BRINP3: variants seen among roughly 807,000 people sequenced by gnomAD.
BRINP3 encodes BMP/retinoic acid inducible neural specific 3.
A neutral mutation model predicts 71.0 loss-of-function variants in BRINP3; 19 were observed. The ratio of observed to expected loss-of-function variants is 0.27; its 90% CI spans 0.19 to 0.39. BRINP3 has a LOEUF of 0.39. BRINP3 is among the 10% of genes least tolerant of loss of function. The pLI, the probability that BRINP3 is intolerant of heterozygous loss-of-function variation, is 1.00. For missense variants in BRINP3, 959 were observed against 940.8 expected (o/e 1.02, Z -0.25); for synonymous variants, 380 against 337.7 (o/e 1.13, Z -1.37).
chr1:190,311,768 G>A (rs1385202180), intron 2 of BRINP3, among the ~76,000 whole-genome samples: 2 of 150,650 alleles, frequency 1.3e-5, no homozygotes, highest in East Asian at 3.9e-4. Flanking sequence ...ACTAAAGATA[G>A]AGAAGAAGAA....
chr1:190,395,110 C>T (rs1671487083), intron 2 of BRINP3, among the ~76,000 whole-genome samples: 2 of 151,672 alleles, frequency 1.3e-5, no homozygotes, highest in African/African-American at 4.8e-5. Flanking sequence ...CTATTTATTT[C>T]TCATATCATT....
At chr1:190,160,046 C>T (rs557171173) in intron 7 of BRINP3, among the ~76,000 whole-genome samples, 23 of 151,924 alleles carry the variant, frequency 1.5e-4, no homozygotes, top group Non-Finnish European at 2.8e-4. Context: ...TTTTTGTTTT[C>T]GAACTGACCT....
intron 6 of BRINP3, among the ~76,000 whole-genome samples, chr1:190,171,672 T>C (rs1652020775): frequency 6.6e-6 from 1 of 152,192 alleles, no homozygotes; most frequent in Admixed American, 6.5e-5. Flanking sequence ...ACATATTATT[T>C]AACTATTAGG....
At chr1:190,171,758 G>A (rs1652028255) in intron 6 of BRINP3, among the ~76,000 whole-genome samples, 1 of 152,038 alleles carries the variant, frequency 6.6e-6, no homozygotes, top group Non-Finnish European at 1.5e-5. Context: ...GGAAGAATGG[G>A]AAACCTGTCA....
At chr1:190,448,845 T>A (rs564892281) in intron 2 of BRINP3, among the ~76,000 whole-genome samples, 3 of 151,952 alleles carry the variant, frequency 2.0e-5, no homozygotes, top group Non-Finnish European at 4.4e-5. Flanking sequence ...ACTTTTTATA[T>A]GTTTGTCTTT....
chr1:190,158,492 T>C (rs1183549282), intron 7 of BRINP3, among the ~76,000 whole-genome samples: 1 of 152,016 alleles, frequency 6.6e-6, no homozygotes, highest in Non-Finnish European at 1.5e-5. Flanking sequence ...GGCCAATTAT[T>C]GAAAACCACT....
intron 2 of BRINP3, among the ~76,000 whole-genome samples, chr1:190,416,608 A>C (rs912512543): frequency 2.0e-4 from 30 of 152,314 alleles, no homozygotes; most frequent in Admixed American, 7.2e-4. Flanking sequence ...TATACTTCTA[A>C]GAATTTATGT....
intron 7 of BRINP3, among the ~76,000 whole-genome samples, chr1:190,100,274 A>G (rs1232019431): frequency 6.6e-6 from 1 of 152,152 alleles, no homozygotes; most frequent in Non-Finnish European, 1.5e-5. Flanking sequence ...GATTTCCTGC[A>G]AAATATATAT....
intron 7 of BRINP3, among the ~76,000 whole-genome samples, chr1:190,106,671 T>A (rs1324909837): frequency 6.6e-6 from 1 of 151,436 alleles, no homozygotes; most frequent in Non-Finnish European, 1.5e-5. Context: ...TATTTATTTA[T>A]TATTATTTTT....
chr1:190,367,413 A>C (rs1055723356), intron 2 of BRINP3, among the ~76,000 whole-genome samples: 2 of 152,114 alleles, frequency 1.3e-5, no homozygotes, highest in African/African-American at 4.8e-5. Flanking sequence ...CTCGCCCACA[A>C]AACCATTTTT....
intron 4 of BRINP3, among the ~76,000 whole-genome samples, chr1:190,245,204 T>C (rs1210604697): frequency 6.6e-6 from 1 of 151,718 alleles, no homozygotes; most frequent in Non-Finnish European, 1.5e-5. Flanking sequence ...GGATTTCTTG[T>C]TTCAACTGGC....
intron 2 of BRINP3, among the ~76,000 whole-genome samples, chr1:190,309,087 G>A (rs1277073116): frequency 6.6e-6 from 1 of 151,712 alleles, no homozygotes; most frequent in Non-Finnish European, 1.5e-5. Context: ...GTGTGGTATC[G>A]ATACAAAATA....
intron 2 of BRINP3, among the ~76,000 whole-genome samples, chr1:190,321,871 A>G (rs1666270276): frequency 6.6e-6 from 1 of 152,214 alleles, no homozygotes; most frequent in South Asian, 2.1e-4. Flanking sequence ...CATAACAAGA[A>G]GTAGTCTTTG....
intron 6 of BRINP3, among the ~76,000 whole-genome samples, chr1:190,215,320 C>G (rs749484356): frequency 2.0e-5 from 3 of 151,802 alleles, no homozygotes; most frequent in Non-Finnish European, 4.4e-5. Context: ...GTAGGTTTTA[C>G]TCCCCAAAAA....
intron 2 of BRINP3, among the ~76,000 whole-genome samples, chr1:190,447,155 T>C (rs1404603752): frequency 6.6e-6 from 1 of 151,512 alleles, no homozygotes; most frequent in East Asian, 1.9e-4. Context: ...ATTACAGCTG[T>C]TTATAGGAGT....
intron 6 of BRINP3, among the ~76,000 whole-genome samples, chr1:190,165,458 TTTTG>T (rs1450310142): frequency 9.3e-6 from 1 of 106,976 alleles, no homozygotes; most frequent in South Asian, 2.9e-4. Flanking sequence ...TTTTTTTTTT[TTTTG>T]TGTGTGTGTG....
chr1:190,241,579 A>C (rs1659102659), intron 4 of BRINP3, among the ~76,000 whole-genome samples: 2 of 152,084 alleles, frequency 1.3e-5, no homozygotes, highest in Non-Finnish European at 2.9e-5. Flanking sequence ...ATTCATGAAC[A>C]AAAAATATTG....
At chr1:190,423,627 T>C (rs1256604229) in intron 2 of BRINP3, among the ~76,000 whole-genome samples, 1 of 151,766 alleles carries the variant, frequency 6.6e-6, no homozygotes, top group African/African-American at 2.4e-5. Flanking sequence ...TATAGCATAA[T>C]CAAGACATTA....
intron 3 of BRINP3, among the ~76,000 whole-genome samples, chr1:190,276,208 TAAGA>T (rs1662540195): frequency 6.6e-6 from 1 of 151,614 alleles, no homozygotes; most frequent in Admixed American, 6.6e-5. Context: ...CATATTTCTT[TAAGA>T]AATAAATTAT....
Sources: gnomAD v4.1 joint callset for allele counts (sites outside exome capture counted in the v4.1 genomes callset) on GRCh38, gnomAD v4.1.1 for gene constraint, MANE v1.5 for transcripts, NCBI Gene and HGNC (gene_info 2026-07-23, HGNC 2026-07-21) for gene names.